HS6ST3: variants seen among roughly 807,000 people sequenced by gnomAD.
The protein encoded by HS6ST3 is heparan sulfate 6-O-sulfotransferase 3, also known as heparan-sulfate 6-O-sulfotransferase 3.
HS6ST3 carries 12 observed loss-of-function variants against 36.7 expected under a neutral mutation model. That is an observed-to-expected ratio of 0.33 (90% CI 0.21 to 0.53). HS6ST3 has a LOEUF of 0.53. HS6ST3 is among the 20% of genes least tolerant of loss of function. HS6ST3 has a pLI of 0.95. For synonymous variants in HS6ST3, 240 were observed against 257.5 expected (o/e 0.93, Z 0.65); for missense variants, 584 against 640.9 (o/e 0.91, Z 0.96).
chr13:96,108,154 A>G (rs2053850676), intron 1 of HS6ST3, among the ~76,000 whole-genome samples: 1 of 152,212 alleles, frequency 6.6e-6, no homozygotes, highest in Admixed American at 6.5e-5. Context: ...TTAATAATTA[A>G]CAGTCCTGGA....
intron 1 of HS6ST3, among the ~76,000 whole-genome samples, chr13:96,777,529 C>T (rs1052240505): frequency 7.2e-5 from 11 of 151,952 alleles, no homozygotes; most frequent in African/African-American, 2.2e-4. Context: ...TCCTATACAC[C>T]AATAACGAAC....
chr13:96,521,335 G>A (rs531533461), intron 1 of HS6ST3, among the ~76,000 whole-genome samples: 13 of 152,272 alleles, frequency 8.5e-5, no homozygotes, highest in East Asian at 1.9e-4. Flanking sequence ...TGTCTGCCAG[G>A]CTTTGGTATT....
Position 96,636,007 on chromosome 13 carries a change from T to C in HS6ST3, c.708-196483T>C, listed in dbSNP as rs554037776. On this transcript the variant is annotated intron_variant, in intron 1 of 1. Coordinates refer to ENST00000376705, the MANE Select transcript of HS6ST3 (RefSeq NM_153456.4). ...TCTTTTCTTCACTTACCCTCTTCTG[T>C]ACTTGACTTCATCAATTAAAGAAAC... Among the ~76,000 whole-genome samples the C allele has an allele frequency of 8.5e-5, 13 of 152,314 alleles. No homozygotes were observed. The East Asian group carries it at 2.1e-3, about 25-fold the overall frequency.
chr13:96,630,964 A>G (rs1438128006), intron 1 of HS6ST3, among the ~76,000 whole-genome samples: 1 of 152,102 alleles, frequency 6.6e-6, no homozygotes, highest in Non-Finnish European at 1.5e-5. Flanking sequence ...TGAGTCTTAT[A>G]TTTTTTAGAA....
intron 1 of HS6ST3, among the ~76,000 whole-genome samples, chr13:96,709,833 C>A (rs1389706666): frequency 6.6e-6 from 1 of 152,160 alleles, no homozygotes; most frequent in African/African-American, 2.4e-5. Flanking sequence ...TGCTCAAGGT[C>A]AAGCATTTTA....
intron 1 of HS6ST3, among the ~76,000 whole-genome samples, chr13:96,760,184 C>G (rs918984116): frequency 6.6e-6 from 1 of 151,884 alleles, no homozygotes; most frequent in Admixed American, 6.6e-5. Flanking sequence ...TTTTATATTG[C>G]ACTACCATGG....
chr13:96,197,923 C>T (rs555252726), intron 1 of HS6ST3, among the ~76,000 whole-genome samples: 28 of 152,256 alleles, frequency 1.8e-4, no homozygotes, highest in East Asian at 1.7e-3. Flanking sequence ...TCTGTGTGGG[C>T]GCTCTGACCC....
intron 1 of HS6ST3, among the ~76,000 whole-genome samples, chr13:96,820,553 A>G (rs1210564819): frequency 1.3e-5 from 2 of 152,262 alleles, no homozygotes; most frequent in Admixed American, 1.3e-4. Context: ...TTCTTATTCA[A>G]TAATTCCCAC....
At chr13:96,274,158 C>CT (rs34384049) in intron 1 of HS6ST3, among the ~76,000 whole-genome samples, 1 of 151,608 alleles carries the variant, frequency 6.6e-6, no homozygotes, top group Non-Finnish European at 1.5e-5. Context: ...TTAAGGCCAA[C>CT]TTTTTTGCAC....
At chr13:96,149,691 C>G (rs1447111380) in intron 1 of HS6ST3, among the ~76,000 whole-genome samples, 2 of 152,108 alleles carry the variant, frequency 1.3e-5, no homozygotes, top group African/African-American at 4.8e-5. Context: ...CCTATAATGG[C>G]AGTTTGAAAA....
chr13:96,258,730 A>T (rs937325890), intron 1 of HS6ST3, among the ~76,000 whole-genome samples: 1 of 152,186 alleles, frequency 6.6e-6, no homozygotes, highest in African/African-American at 2.4e-5. Flanking sequence ...TATTGAATGG[A>T]TATTTATTCA....
chr13:96,278,697 T>C (rs1247146796), intron 1 of HS6ST3, among the ~76,000 whole-genome samples: 1 of 152,156 alleles, frequency 6.6e-6, no homozygotes, highest in East Asian at 1.9e-4. Flanking sequence ...CAGGTGTGAA[T>C]AAAATGAATC....
intron 1 of HS6ST3, among the ~76,000 whole-genome samples, chr13:96,381,852 C>T (rs2055343222): frequency 1.3e-5 from 2 of 152,290 alleles, no homozygotes; most frequent in South Asian, 4.1e-4. Flanking sequence ...CAACACCAGA[C>T]ATTAGACAGG....
Position 96,756,244 on chromosome 13 carries a change from A to G in HS6ST3, c.708-76246A>G, listed in dbSNP as rs1262783525. 5.3e-5 allele frequency among the ~76,000 whole-genome samples: 8 copies of G among 152,300 alleles called. No individual in the cohort carries two copies. In the South Asian group the frequency reaches 1.0e-3, roughly 20 times the overall value. On this transcript the variant is annotated intron_variant, in intron 1 of 1. Transcript: ENST00000376705. ...TGTTAAGGATTTAGAAAAGTTGTTT[A>G]TATATTCTGCATACAAATCCTTTGT...
At chr13:96,630,119 A>T (rs558158830) in intron 1 of HS6ST3, among the ~76,000 whole-genome samples, 19 of 152,282 alleles carry the variant, frequency 1.2e-4, no homozygotes, top group African/African-American at 4.1e-4. Flanking sequence ...TATTTTTTTC[A>T]TATTTCCAAG....
chr13:96,715,689 T>TA (rs1446270737), intron 1 of HS6ST3, among the ~76,000 whole-genome samples: 1 of 152,154 alleles, frequency 6.6e-6, no homozygotes, highest in South Asian at 2.1e-4. Flanking sequence ...ATTGAAACAT[T>TA]ATCTATTTCC....
Position 96,228,660 on chromosome 13 carries a change from T to C in HS6ST3, c.707+137091T>C, listed in dbSNP as rs189426262. ...TACAAATACAGGCAATGGGCCAGTG[T>C]TGGTCCATGGGATGTTGTTTGCCAC... On this transcript the variant is annotated intron_variant, in intron 1 of 1. Transcript: ENST00000376705. Among the ~76,000 whole-genome samples, 260 of 152,328 alleles carry C rather than the reference T, an allele frequency of 1.7e-3. 3 individuals carry two copies. Among genetic ancestry groups the C allele is most frequent in the Non-Finnish European group, 3.1e-4 (21 of 68,036 alleles).
At chr13:96,171,931 G>A (rs539602021) in intron 1 of HS6ST3, among the ~76,000 whole-genome samples, 39 of 152,124 alleles carry the variant, frequency 2.6e-4, no homozygotes, top group African/African-American at 9.2e-4. Flanking sequence ...AATAGACATA[G>A]ATTGAAAGAA....
intron 1 of HS6ST3, among the ~76,000 whole-genome samples, chr13:96,108,450 G>T (rs1401758973): frequency 6.6e-6 from 1 of 152,160 alleles, no homozygotes; most frequent in Non-Finnish European, 1.5e-5. Context: ...CATTTGCCTT[G>T]TGATATTTTA....
Sources: gnomAD v4.1 joint callset for allele counts (sites outside exome capture counted in the v4.1 genomes callset) on GRCh38, gnomAD v4.1.1 for gene constraint, MANE v1.5 for transcripts, NCBI Gene and HGNC (gene_info 2026-07-23, HGNC 2026-07-21) for gene names.